Variants in RAD51B observed in about 807,000 individuals in gnomAD.
RAD51B encodes the protein DNA repair protein RAD51 homolog 2.
A neutral mutation model predicts 42.2 loss-of-function variants in RAD51B; 38 were observed. The ratio of observed to expected loss-of-function variants is 0.90; its 90% CI spans 0.70 to 1.18. The LOEUF (loss-of-function observed/expected upper bound fraction) is 1.18. Ranked by LOEUF, RAD51B falls within the 50% of genes most tolerant of loss-of-function variation. The pLI, the probability that RAD51B is intolerant of heterozygous loss-of-function variation, is 0.00. For synonymous variants in RAD51B, 154 were observed against 145.2 expected (o/e 1.06, Z -0.43); for missense variants, 373 against 400.7 (o/e 0.93, Z 0.59).
chr14:68,175,378 T>C (rs1284803471), intron 7 of RAD51B, among the ~76,000 whole-genome samples: 1 of 152,202 alleles, frequency 6.6e-6, no homozygotes, highest in Non-Finnish European at 1.5e-5. Context: ...TCCATTTTAT[T>C]CATTGTAGGC....
chr14:67,863,262 G>A lies in RAD51B; in HGVS notation c.316-1741G>A, dbSNP rs568040364. On this transcript the variant is annotated intron_variant, in intron 4 of 10. Transcript: ENST00000471583. ...TGCCTCAGCCTCTGGGATTACAGGC[G>A]TGTGCTAAACATTTGTGTTTTAAGG... Among the ~76,000 whole-genome samples, 24 of 149,964 alleles carry A rather than the reference G, an allele frequency of 1.6e-4. No individual in the cohort carries two copies. The South Asian group carries it at 4.6e-3, about 29-fold the overall frequency.
At chr14:67,976,191 A>G (rs1022087278) in intron 7 of RAD51B, among the ~76,000 whole-genome samples, 2 of 151,602 alleles carry the variant, frequency 1.3e-5, no homozygotes, top group African/African-American at 4.8e-5. Context: ...ATTATGGCTC[A>G]CTGCAGCCTG....
intron 9 of RAD51B, among the ~76,000 whole-genome samples, chr14:68,426,191 C>T (rs572029097): frequency 4.1e-4 from 63 of 151,918 alleles, no homozygotes; most frequent in African/African-American, 1.4e-3. Flanking sequence ...ACCTCAGCCT[C>T]CCGAGTAGCT....
intron 7 of RAD51B, among the ~76,000 whole-genome samples, chr14:68,035,401 C>A (rs2076106213): frequency 6.6e-6 from 1 of 151,914 alleles, no homozygotes; most frequent in Admixed American, 6.6e-5. Context: ...TTAACATATC[C>A]TGAGTTACAT....
At chr14:68,411,337 A>T in intron 8 of RAD51B, 87 bp from the exon 9 acceptor site, 1 of 1,077,048 alleles carries the variant, frequency 9.3e-7, no homozygotes, top group Non-Finnish European at 1.4e-6. Context: ...TCTCTGGACT[A>T]CTGGCAATGA....
chr14:67,989,724 C>G (rs979369299), intron 7 of RAD51B, among the ~76,000 whole-genome samples: 43 of 151,870 alleles, frequency 2.8e-4, no homozygotes, highest in African/African-American at 1.0e-3. Flanking sequence ...GGCAACCCCC[C>G]ACAGGCCACA....
chr14:68,447,953 TCTA>T lies in RAD51B; in HGVS notation c.958-20216_958-20214del, dbSNP rs147496694. On this transcript the variant is annotated intron_variant, in intron 9 of 10. Coordinates refer to ENST00000471583, the MANE Select transcript of RAD51B (RefSeq NM_133510.4). ...TTAGCAAGCTGATATTTACTGAACATCTACTGTGTACTAGGTTAGGCTCTGGAA... is the reference window on the plus strand; with the variant it reads ...TTAGCAAGCTGATATTTACTGAACATCTGTGTACTAGGTTAGGCTCTGGAA... Among the ~76,000 whole-genome samples the T allele has an allele frequency of 4.8e-3, 725 of 152,340 alleles. 5 individuals are homozygous for T. The highest frequency in any genetic ancestry group is 0.017 in the African/African-American group (691 of 41,566).
intron 10 of RAD51B, among the ~76,000 whole-genome samples, chr14:68,590,116 G>C (rs895481058): frequency 6.6e-6 from 1 of 152,164 alleles, no homozygotes; most frequent in Non-Finnish European, 1.5e-5. Context: ...CAGCCGACTG[G>C]GGTGTCACCC....
At chr14:67,856,782 T>C (rs1274259974) in intron 4 of RAD51B, among the ~76,000 whole-genome samples, 1 of 152,150 alleles carries the variant, frequency 6.6e-6, no homozygotes, top group Non-Finnish European at 1.5e-5. Context: ...TTCTCTTTCC[T>C]CTTCAAACCA....
At chr14:68,027,561 C>A (rs190772222) in intron 7 of RAD51B, among the ~76,000 whole-genome samples, 2 of 152,098 alleles carry the variant, frequency 1.3e-5, no homozygotes, top group Admixed American at 1.3e-4. Context: ...TGGTGTCTGA[C>A]TGAGTTGATT....
intron 9 of RAD51B, among the ~76,000 whole-genome samples, chr14:68,420,175 G>C (rs539021846): frequency 6.6e-6 from 1 of 152,290 alleles, no homozygotes; most frequent in Non-Finnish European, 1.5e-5. Flanking sequence ...TATAGTTCCA[G>C]ACCCTCAGTT....
At chr14:68,231,554 C>T (rs1401119492) in intron 7 of RAD51B, among the ~76,000 whole-genome samples, 4 of 152,156 alleles carry the variant, frequency 2.6e-5, no homozygotes. Context: ...AAATCCCCAG[C>T]CCCCTCCCAA....
chr14:68,172,693 AC>A (rs2078896001), intron 7 of RAD51B, among the ~76,000 whole-genome samples: 1 of 152,158 alleles, frequency 6.6e-6, no homozygotes, highest in Non-Finnish European at 1.5e-5. Context: ...AAATGATGTG[AC>A]CCGAACCATG....
intron 10 of RAD51B, among the ~76,000 whole-genome samples, chr14:68,493,863 A>G (rs2140285878): frequency 6.6e-6 from 1 of 152,266 alleles, no homozygotes; most frequent in Admixed American, 6.5e-5. Context: ...TGTGCTTTTT[A>G]TTTCATCTAG....
intron 7 of RAD51B, among the ~76,000 whole-genome samples, chr14:68,269,682 A>G (rs966030058): frequency 2.6e-5 from 4 of 152,192 alleles, no homozygotes; most frequent in African/African-American, 9.7e-5. Context: ...TCACTCTACA[A>G]GGGCAGAAAG....
At chr14:68,465,947 A>ATAAT (rs199499644) in intron 9 of RAD51B, among the ~76,000 whole-genome samples, 1 of 58,750 alleles carries the variant, frequency 1.7e-5, no homozygotes, top group African/African-American at 7.0e-5. Context: ...TCTCAAAAAA[A>ATAAT]AAAAAAATAA....
chr14:68,477,347 G>A (rs1421192386), intron 10 of RAD51B, among the ~76,000 whole-genome samples: 1 of 152,188 alleles, frequency 6.6e-6, no homozygotes, highest in Non-Finnish European at 1.5e-5. Flanking sequence ...AAACTTGGGG[G>A]TCATAGAGAA....
At chr14:68,207,365 A>G (rs965627185) in intron 7 of RAD51B, among the ~76,000 whole-genome samples, 3 of 152,208 alleles carry the variant, frequency 2.0e-5, no homozygotes, top group African/African-American at 7.2e-5. Context: ...TCAGTTTTAC[A>G]TGGCTTCTGA....
chr14:68,039,246 T>TG (rs2076180039), intron 7 of RAD51B, among the ~76,000 whole-genome samples: 1 of 152,030 alleles, frequency 6.6e-6, no homozygotes, highest in South Asian at 2.1e-4. Context: ...CTGGCCAACA[T>TG]GGTGAAACCC....
Sources: gnomAD v4.1 joint callset for allele counts (sites outside exome capture counted in the v4.1 genomes callset) on GRCh38, gnomAD v4.1.1 for gene constraint, MANE v1.5 for transcripts, NCBI Gene and HGNC (gene_info 2026-07-23, HGNC 2026-07-21) for gene names.